The following CHRM3 variants were observed in gnomAD, a reference collection of about 807,000 sequenced individuals.
CHRM3 encodes cholinergic receptor muscarinic 3, also known as muscarinic acetylcholine receptor M3.
Under a neutral mutation model 41.8 loss-of-function variants are expected in CHRM3, and 11 were observed. The ratio of observed to expected loss-of-function variants is 0.26; its 90% CI spans 0.17 to 0.44. The LOEUF is 0.44. CHRM3 is among the 20% of genes least tolerant of loss of function. The pLI, the probability that CHRM3 is intolerant of heterozygous loss-of-function variation, is 1.00. For missense variants in CHRM3, 571 were observed against 745.4 expected, an observed-to-expected ratio of 0.77 and a Z score of 2.72; for synonymous variants, 297 against 301.4, an observed-to-expected ratio of 0.99 and a Z score of 0.15.
chr1:239,485,833 C>A (rs1047483220), intron 1 of CHRM3, among the ~76,000 whole-genome samples: 2 of 152,120 alleles, frequency 1.3e-5, no homozygotes, highest in Non-Finnish European at 2.9e-5. Context: ...GCTCTTCCAC[C>A]TAATGTTTTC....
intron 1 of CHRM3, among the ~76,000 whole-genome samples, chr1:239,458,262 TA>T (rs1248954617): frequency 6.6e-6 from 1 of 152,162 alleles, no homozygotes; most frequent in Non-Finnish European, 1.5e-5. Context: ...AACTTTTATC[TA>T]TTAACTATCT....
chr1:239,493,125 A>G (rs1667660996), intron 2 of CHRM3, among the ~76,000 whole-genome samples: 1 of 152,192 alleles, frequency 6.6e-6, no homozygotes, highest in Non-Finnish European at 1.5e-5. Flanking sequence ...AGATTTTTGC[A>G]AGGAAAAAAC....
intron 5 of CHRM3, among the ~76,000 whole-genome samples, chr1:239,759,315 G>GAA (rs535876295): frequency 0.026 from 3,185 of 124,210 alleles, 112 homozygotes; most frequent in African/African-American, 0.087. Flanking sequence ...ACATTATTTT[G>GAA]AAAAAAAAAA....
chr1:239,771,340 G>T (rs1037475822), intron 5 of CHRM3, among the ~76,000 whole-genome samples: 1 of 152,024 alleles, frequency 6.6e-6, no homozygotes, highest in Non-Finnish European at 1.5e-5. Context: ...TATTGGAATA[G>T]CCTCCTAATT....
chr1:239,797,042 G>C (rs971980483), intron 5 of CHRM3, among the ~76,000 whole-genome samples: 1 of 152,206 alleles, frequency 6.6e-6, no homozygotes, highest in African/African-American at 2.4e-5. Context: ...GAAATTGTGT[G>C]CTTTGCAGCA....
chr1:239,525,210 A>C lies in CHRM3; in HGVS notation c.-421-20431A>C, dbSNP rs1669913978. 3.9e-5 allele frequency among the ~76,000 whole-genome samples: 6 copies of C among 152,270 alleles called. 1 individual carries two copies. The South Asian group carries it at 1.2e-3, about 32-fold the overall frequency. On this transcript the variant is annotated intron_variant, in intron 2 of 6. Transcript: ENST00000676153. ...AAAACCTGTCTCTACAAATATTTGT[A>C]AAATTTGCTCTCAGATACTCAAAAG...
chr1:239,636,781 A>C (rs1670508534), intron 4 of CHRM3, among the ~76,000 whole-genome samples: 1 of 152,234 alleles, frequency 6.6e-6, no homozygotes, highest in Admixed American at 6.5e-5. Flanking sequence ...CAGAAGCAGT[A>C]GATTCTTGTG....
intron 1 of CHRM3, among the ~76,000 whole-genome samples, chr1:239,427,231 A>T (rs1272742839): frequency 6.6e-6 from 1 of 152,166 alleles, no homozygotes; most frequent in African/African-American, 2.4e-5. Context: ...GGGATAATTA[A>T]GGAGAATTTG....
chr1:239,632,765 T>C (rs1275499745), intron 4 of CHRM3, among the ~76,000 whole-genome samples: 3 of 152,226 alleles, frequency 2.0e-5, no homozygotes, highest in Admixed American at 6.5e-5. Context: ...TCCTTAATAA[T>C]GTTTTATCTA....
chr1:239,605,025 C>G (rs1381421607), intron 3 of CHRM3, among the ~76,000 whole-genome samples: 2 of 152,118 alleles, frequency 1.3e-5, no homozygotes, highest in African/African-American at 4.8e-5. Flanking sequence ...TATTGTCAAA[C>G]TGCCCCATTT....
chr1:239,754,515 G>A (rs1184587404), intron 5 of CHRM3, among the ~76,000 whole-genome samples: 1 of 152,218 alleles, frequency 6.6e-6, no homozygotes, highest in East Asian at 1.9e-4. Context: ...CAGAGGCCAA[G>A]ATTCCTGGAT....
chr1:239,630,744 A>C (rs753325321), intron 3 of CHRM3, among the ~76,000 whole-genome samples: 2 of 152,186 alleles, frequency 1.3e-5, no homozygotes, highest in Non-Finnish European at 2.9e-5. Flanking sequence ...TGTTAGTGGA[A>C]AGAGTCAGAC....
At chr1:239,537,021 T>G (rs1218661) in intron 2 of CHRM3, among the ~76,000 whole-genome samples, 88,551 of 151,706 alleles carry the variant, frequency 0.58, 26,056 homozygotes, top group Middle Eastern at 0.69. Flanking sequence ...ACTTTTTTGG[T>G]CTCTATCTTT....
chr1:239,562,947 A>G (rs1984207), intron 3 of CHRM3, among the ~76,000 whole-genome samples: 56,133 of 151,590 alleles, frequency 0.37, 12,150 homozygotes, highest in East Asian at 0.6. Flanking sequence ...GTTTTTCACC[A>G]TGTAAAGAAA....
intron 1 of CHRM3, among the ~76,000 whole-genome samples, chr1:239,461,609 G>T (rs1219320209): frequency 6.6e-6 from 1 of 151,064 alleles, no homozygotes; most frequent in Non-Finnish European, 1.5e-5. Flanking sequence ...TATACGCAAA[G>T]AAAAAAAAAT....
intron 1 of CHRM3, among the ~76,000 whole-genome samples, chr1:239,393,672 A>G (rs1425585095): frequency 1.3e-5 from 2 of 152,176 alleles, no homozygotes; most frequent in Admixed American, 6.5e-5. Flanking sequence ...ATTATTTTAA[A>G]TCCCTTGATT....
intron 1 of CHRM3, among the ~76,000 whole-genome samples, chr1:239,434,429 C>A (rs1238367173): frequency 1.3e-5 from 2 of 152,214 alleles, no homozygotes; most frequent in East Asian, 3.8e-4. Flanking sequence ...AAGACTCTCT[C>A]TCTATCTATA....
chr1:239,543,921 C>T (rs537505759), intron 2 of CHRM3, among the ~76,000 whole-genome samples: 7 of 152,228 alleles, frequency 4.6e-5, no homozygotes, highest in East Asian at 1.9e-4. Context: ...CAGCCAGAGA[C>T]GATATGTAAA....
At chr1:239,446,211 A>G (rs556532680) in intron 1 of CHRM3, among the ~76,000 whole-genome samples, 1 of 152,318 alleles carries the variant, frequency 6.6e-6, no homozygotes, top group South Asian at 2.1e-4. Flanking sequence ...TTGCAATTAC[A>G]GGCGTGAGCC....
Sources: gnomAD v4.1 joint callset for allele counts (sites outside exome capture counted in the v4.1 genomes callset) on GRCh38, gnomAD v4.1.1 for gene constraint, MANE v1.5 for transcripts, NCBI Gene and HGNC (gene_info 2026-07-23, HGNC 2026-07-21) for gene names.